The following ZCRB1 variants were observed in gnomAD, a reference collection of about 807,000 sequenced individuals.
The protein encoded by ZCRB1 is zinc finger CCHC-type and RNA binding motif containing 1, also known as zinc finger CCHC-type and RNA-binding motif-containing protein 1.
ZCRB1 carries 21 observed loss-of-function variants against 29.9 expected under a neutral mutation model. The observed-to-expected ratio is 0.70, with a 90% CI of 0.50 to 1.01. The LOEUF is 1.01. Among genes scored for constraint, ZCRB1 ranks in the 50% least tolerant of loss-of-function variants. The probability of loss-of-function intolerance (pLI) is 0.00; values close to 1 mark genes in which losing one functional copy is unlikely to be tolerated. For synonymous variants in ZCRB1, 77 were observed against 80.0 expected (o/e 0.96, Z 0.20); for missense variants, 204 against 253.3 (o/e 0.81, Z 1.32).
In ZCRB1 at chr12:42,313,122, C is replaced by A. The variant is rs761704622; in HGVS notation, c.599G>T (p.Arg200Leu). 9 of 1,611,714 alleles carry A rather than the reference C, an allele frequency of 5.6e-6. No homozygotes were observed. Among genetic ancestry groups the A allele is most frequent in the Non-Finnish European group, 1.7e-6 (2 of 1,178,924 alleles). ...GVPSTSDDSR[R>L]PRIKKSTYFS... ...ATATGTGCTTTTCTTTATCCTTGGG[C>A]GTCTTGAATCATCTGATGTTGAGGG... The change falls in exon 8 of 8, where the codon CGC (arginine) becomes CTC (leucine). Residue 200 changes from arginine (R) to leucine (L), a missense_variant. Arg to Leu is a moderately radical substitution (Grantham distance 102, BLOSUM62 -2). Coordinates refer to ENST00000266529, the MANE Select transcript of ZCRB1 (RefSeq NM_033114.4).
At chr12:42,322,737 T>C (rs112589539) in intron 2 of ZCRB1, among the ~76,000 whole-genome samples, 81 of 152,352 alleles carry the variant, frequency 5.3e-4, no homozygotes, top group African/African-American at 1.8e-3. Flanking sequence ...GGACAGCTGC[T>C]GTGTTCCTGA....
chr12:42,315,078 C>G (rs2068588522), intron 5 of ZCRB1, among the ~76,000 whole-genome samples: 2 of 152,210 alleles, frequency 1.3e-5, no homozygotes, highest in South Asian at 4.1e-4. Flanking sequence ...TAGTCACTAG[C>G]CAGCCAATGT....
intron 2 of ZCRB1, 137 bp from the exon 3 acceptor site, chr12:42,322,583 GA>G: frequency 1.1e-6 from 1 of 892,016 alleles, no homozygotes; most frequent in Non-Finnish European, 1.5e-6. Context: ...CAGGCCCTAG[GA>G]AAAAGTTTTT....
intron 3 of ZCRB1, among the ~76,000 whole-genome samples, chr12:42,318,205 A>G (rs947743332): frequency 6.6e-6 from 1 of 152,220 alleles, no homozygotes; most frequent in African/African-American, 2.4e-5. Context: ...TAACTCCCTC[A>G]CCTTGCAAAA....
chr12:42,312,902 C>T lies in ZCRB1; in HGVS notation c.*165G>A, dbSNP rs1388183611. 8 of 690,980 alleles carry T rather than the reference C, an allele frequency of 1.2e-5. No homozygotes were observed. Among genetic ancestry groups the T allele is most frequent in the Non-Finnish European group, 1.6e-5 (8 of 497,756 alleles). 42.8% of individuals were successfully genotyped at this position (690,980 alleles called of 1,614,324 possible). On this transcript the variant is annotated 3_prime_UTR_variant, in exon 8 of 8. Transcript: ENST00000266529. ...TAAACAAATCAGGCATGAATAAAGCCCTTATAATGAACTTTTCAAATAAAT... is the reference window on the plus strand; with the variant it reads ...TAAACAAATCAGGCATGAATAAAGCTCTTATAATGAACTTTTCAAATAAAT...
intron 1 of ZCRB1, chr12:42,325,354 G>T (rs1016387667): frequency 4.6e-5 from 7 of 151,800 alleles, no homozygotes; most frequent in Admixed American, 4.6e-4. Context: ...TTTATGTATC[G>T]ACAATATAAA....
intron 1 of ZCRB1, among the ~76,000 whole-genome samples, chr12:42,324,855 CT>C (rs1314803014): frequency 3.9e-5 from 6 of 152,336 alleles, no homozygotes; most frequent in Non-Finnish European, 5.9e-5. Context: ...TTACCTGCAC[CT>C]TGCTCACCCA....
chr12:42,312,954 G>A lies in ZCRB1; in HGVS notation c.*113C>T. The A allele has an allele frequency of 9.5e-7, 1 of 1,048,026 alleles. No homozygotes were observed. The highest frequency in any genetic ancestry group is 1.2e-6 in the Non-Finnish European group (1 of 804,608). The allele number at this position is 1,048,026 out of a possible 1,614,324, so 64.9% of individuals were successfully genotyped here. A position where few individuals can be genotyped will look rare whatever the true frequency, so the allele number is the denominator to read the frequency against. On this transcript the variant is annotated 3_prime_UTR_variant, in exon 8 of 8. Transcript: ENST00000266529. ...TTTAAAATATCTTTTTTCTTGGGATGACAATAATAGTATTAACATGATAGT... is the reference window on the plus strand; with the variant it reads ...TTTAAAATATCTTTTTTCTTGGGATAACAATAATAGTATTAACATGATAGT...
Position 42,322,450 on chromosome 12 carries a change from A to G in ZCRB1, c.85-4T>C. The G allele has an allele frequency of 6.7e-7, 1 of 1,490,972 alleles. No individual in the cohort carries two copies. Among genetic ancestry groups the G allele is most frequent in the Non-Finnish European group, 9.1e-7 (1 of 1,104,942 alleles). 92.4% of individuals were successfully genotyped at this position (1,490,972 alleles called of 1,614,324 possible). Reference sequence around the variant, plus strand: ...CTTTGCCATACTTGGAAAATATCTGAAACAAAAGACCAAATATTTACAATT... The same window carrying G: ...CTTTGCCATACTTGGAAAATATCTGGAACAAAAGACCAAATATTTACAATT... On this transcript the variant is annotated splice_polypyrimidine_tract_variant and splice_region_variant and intron_variant, in intron 2 of 7. Coordinates refer to ENST00000266529, the MANE Select transcript of ZCRB1 (RefSeq NM_033114.4).
chr12:42,325,989 C>A lies in ZCRB1; in HGVS notation c.-68G>T, dbSNP rs1179840253. On this transcript the variant is annotated 5_prime_UTR_variant, in exon 1 of 8. Transcript: ENST00000266529. ...CCCTCGGCTCAGCTGGGGCTCAACC[C>A]CGACTCTTCGTAGCCGCTCGCAGCG... 2 of 152,322 alleles carry A rather than the reference C, an allele frequency of 1.3e-5. No individual in the cohort carries two copies. Among genetic ancestry groups the A allele is most frequent in the Non-Finnish European group, 2.9e-5 (2 of 68,134 alleles). The allele number at this position is 152,322 out of a possible 1,614,324, so 9.4% of individuals were successfully genotyped here.
chr12:42,317,526 C>T (rs1196632419), intron 4 of ZCRB1, 79 bp from the exon 5 acceptor site: 7 of 1,222,344 alleles, frequency 5.7e-6, no homozygotes, highest in Non-Finnish European at 7.9e-6. Context: ...TTTCTCAAAT[C>T]TTCAATTCCA....
In ZCRB1 at chr12:42,313,700, A is replaced by G. The variant is rs764685966; in HGVS notation, c.512T>C (p.Ile171Thr). 6.2e-7 allele frequency: 1 copy of G among 1,613,742 alleles called. No homozygotes were observed. ...DPALDSLSQAIAFQQAKIEEE... is the reference protein window; with the variant it reads ...DPALDSLSQATAFQQAKIEEE... ...AGAACAATTTAATACCTGGAATGCTATGGCCTGACTGAGGCTGTCAAGAGC... is the reference window on the plus strand; with the variant it reads ...AGAACAATTTAATACCTGGAATGCTGTGGCCTGACTGAGGCTGTCAAGAGC... The change falls in exon 7 of 8, where the codon ATA (isoleucine) becomes ACA (threonine). Residue 171 changes from isoleucine (I) to threonine (T), a missense_variant. Ile to Thr is a moderately conservative substitution (Grantham distance 89). Transcript: ENST00000266529.
At chr12:42,319,089 G>C (rs1000826428) in intron 3 of ZCRB1, among the ~76,000 whole-genome samples, 1 of 152,052 alleles carries the variant, frequency 6.6e-6, no homozygotes, top group African/African-American at 2.4e-5. Flanking sequence ...TTATGTTTTG[G>C]AATTTTTCGT....
chr12:42,317,950 T>C (rs777148079), intron 3 of ZCRB1, 52 bp from the exon 4 acceptor site: 1 of 1,390,302 alleles, frequency 7.2e-7, no homozygotes, highest in Non-Finnish European at 9.9e-7. Flanking sequence ...ATAAAACAGA[T>C]ACTAATACTT....
At chr12:42,319,053 CAG>C (rs2068608597) in intron 3 of ZCRB1, among the ~76,000 whole-genome samples, 3 of 152,106 alleles carry the variant, frequency 2.0e-5, no homozygotes, top group African/African-American at 7.2e-5. Flanking sequence ...ACCAATTTGA[CAG>C]AAATATTGAA....
chr12:42,316,370 G>A (rs959133578), intron 5 of ZCRB1, among the ~76,000 whole-genome samples: 2 of 152,116 alleles, frequency 1.3e-5, no homozygotes, highest in Non-Finnish European at 2.9e-5. Flanking sequence ...AAAATGCTAG[G>A]ATTACAGGCG....
chr12:42,317,964 A>C, intron 3 of ZCRB1, 66 bp from the exon 4 acceptor site: 4 of 1,313,324 alleles, frequency 3.0e-6, no homozygotes, highest in Non-Finnish European at 4.2e-6. Context: ...AATACTTGAA[A>C]AATTCATTTT....
At chr12:42,317,512 C>A in intron 4 of ZCRB1, 65 bp from the exon 5 acceptor site, 2 of 1,297,788 alleles carry the variant, frequency 1.5e-6, no homozygotes, top group Admixed American at 2.6e-5. Flanking sequence ...ATTATTTAAT[C>A]AATTTTCTCA....
At chr12:42,319,246 T>C (rs569974354) in intron 3 of ZCRB1, among the ~76,000 whole-genome samples, 1 of 152,348 alleles carries the variant, frequency 6.6e-6, no homozygotes, top group South Asian at 2.1e-4. Flanking sequence ...GGGGCATTAC[T>C]GTTTTAACAG....
Sources: gnomAD v4.1 joint callset for allele counts (sites outside exome capture counted in the v4.1 genomes callset) on GRCh38, gnomAD v4.1.1 for gene constraint, MANE v1.5 for transcripts, NCBI Gene and HGNC (gene_info 2026-07-23, HGNC 2026-07-21) for gene names.